ZNF609: variants seen among roughly 807,000 people sequenced by gnomAD.
ZNF609 encodes the protein zinc finger protein 609.
ZNF609 carries 11 observed loss-of-function variants against 109.5 expected under a neutral mutation model. That is an observed-to-expected ratio of 0.10 (90% CI 0.06 to 0.17). The LOEUF is 0.17. Among genes scored for constraint, ZNF609 ranks in the 10% least tolerant of loss-of-function variants. ZNF609 has a pLI of 1.00. For missense variants in ZNF609, 1,559 were observed against 1,772.4 expected, an observed-to-expected ratio of 0.88 and a Z score of 2.16; for synonymous variants, 646 against 662.0, an observed-to-expected ratio of 0.98 and a Z score of 0.37.
intron 2 of ZNF609, among the ~76,000 whole-genome samples, chr15:64,585,307 A>G (rs1247779984): frequency 1.3e-5 from 2 of 152,120 alleles, no homozygotes; most frequent in East Asian, 3.9e-4. Flanking sequence ...CCTGGGTGAC[A>G]GAGCGAGACT....
intron 2 of ZNF609, among the ~76,000 whole-genome samples, chr15:64,605,348 C>A (rs554934927): frequency 4.1e-4 from 62 of 152,134 alleles, no homozygotes; most frequent in African/African-American, 1.5e-3. Flanking sequence ...ATAGAGATTC[C>A]CCTGCTAGAA....
At chr15:64,534,013 C>CT (rs530096798) in intron 2 of ZNF609, among the ~76,000 whole-genome samples, 278 of 142,448 alleles carry the variant, frequency 2.0e-3, no homozygotes, top group South Asian at 5.8e-3. Context: ...TGTTATTAAC[C>CT]TTTTTTTTTT....
chr15:64,499,294 A>G lies in ZNF609; in HGVS notation c.-126A>G. 7.8e-7 allele frequency: 1 copy of G among 1,275,688 alleles called. No individual in the cohort carries two copies. Among genetic ancestry groups the G allele is most frequent in the Non-Finnish European group, 1.1e-6 (1 of 929,566 alleles). The allele number at this position is 1,275,688 out of a possible 1,614,324, so 79.0% of individuals were successfully genotyped here. Reference sequence around the variant, plus strand: ...GCTTTTTAAATTTTCTTTTTCCAGCAATGATGTTGTCCACTGGGCATGTAC... The same window carrying G: ...GCTTTTTAAATTTTCTTTTTCCAGCGATGATGTTGTCCACTGGGCATGTAC... On this transcript the variant is annotated splice_region_variant and 5_prime_UTR_variant, in exon 2 of 10. Coordinates refer to ENST00000326648, the MANE Select transcript of ZNF609 (RefSeq NM_015042.2).
Position 64,489,518 on chromosome 15 carries a change from CCATTA to C in ZNF609, c.-127-9774_-127-9770del, listed in dbSNP as rs1270475885. ...TTAGATGTTTTGAATGCTACCATCT[CCATTA>C]TTCACTTTTTTTTTTTTTTTTTTTT... On this transcript the variant is annotated intron_variant, in intron 1 of 9. Coordinates refer to ENST00000326648, the MANE Select transcript of ZNF609 (RefSeq NM_015042.2). Among the ~76,000 whole-genome samples, 10 of 139,300 alleles carry C rather than the reference CCATTA, an allele frequency of 7.2e-5. No individual in the cohort carries two copies. The East Asian group carries it at 2.2e-3, about 30-fold the overall frequency. The allele number at this position is 139,300 out of a possible 152,430, so 91.4% of individuals were successfully genotyped here.
intron 2 of ZNF609, among the ~76,000 whole-genome samples, chr15:64,506,508 G>GTC (rs1448692710): frequency 3.3e-5 from 5 of 151,096 alleles, no homozygotes; most frequent in Non-Finnish European, 7.4e-5. Context: ...ATCACCTGAG[G>GTC]TCGGGAGTTC....
chr15:64,679,001 A>G (rs1361844215), intron 6 of ZNF609, among the ~76,000 whole-genome samples: 5 of 152,238 alleles, frequency 3.3e-5, no homozygotes, highest in Non-Finnish European at 7.3e-5. Flanking sequence ...AGCCATCTGA[A>G]GTCAGACTGG....
intron 2 of ZNF609, among the ~76,000 whole-genome samples, chr15:64,604,695 A>T (rs969745417): frequency 6.6e-6 from 1 of 152,226 alleles, no homozygotes; most frequent in African/African-American, 2.4e-5. Flanking sequence ...GAATTTATAG[A>T]TTCCCAGGAA....
intron 2 of ZNF609, chr15:64,529,680 A>G (rs1595708808): frequency 1.4e-6 from 1 of 726,440 alleles, no homozygotes; most frequent in Admixed American, 1.7e-5. Flanking sequence ...ATGGTGTCTC[A>G]GGGATGCAGC....
At chr15:64,525,034 T>G (rs936732617) in intron 2 of ZNF609, among the ~76,000 whole-genome samples, 2 of 152,224 alleles carry the variant, frequency 1.3e-5, no homozygotes, top group African/African-American at 4.8e-5. Context: ...TAAAGTGGTA[T>G]CTTGTGGTTT....
At chr15:64,639,456 T>C (rs1175508748) in intron 3 of ZNF609, among the ~76,000 whole-genome samples, 4 of 152,056 alleles carry the variant, frequency 2.6e-5, no homozygotes, top group Admixed American at 2.0e-4. Flanking sequence ...GGAAGAATTC[T>C]TCTTTTCTTC....
intron 2 of ZNF609, among the ~76,000 whole-genome samples, chr15:64,515,773 CT>C (rs1214729806): frequency 6.6e-6 from 1 of 151,484 alleles, no homozygotes; most frequent in Non-Finnish European, 1.5e-5. Context: ...CCCATTTCTA[CT>C]AAAAATACAA....
intron 3 of ZNF609, among the ~76,000 whole-genome samples, chr15:64,667,190 G>A (rs921715094): frequency 1.2e-4 from 19 of 152,196 alleles, no homozygotes; most frequent in South Asian, 8.3e-4. Context: ...ACTTGTTCAA[G>A]GTTACACTAT....
rs1896791035 is a variant in ZNF609, at chr15:64,675,198, C to G, written c.2344C>G (p.Gln782Glu). ...CCTAAATGGCTCATCAGACCCCCAC[C>G]AAAGCCGACTGGCTAGCATCAAGGC... Reference protein sequence around the residue: ...GLLNGSSDPHQSRLASIKAEA... With the variant: ...GLLNGSSDPHESRLASIKAEA... Residue 782 changes from glutamine to glutamate, a missense_variant, in exon 5 of 10, where the codon CAA becomes GAA. Transcript: ENST00000326648. The G allele has an allele frequency of 1.2e-6, 2 of 1,614,062 alleles. No individual in the cohort carries two copies. The highest frequency in any genetic ancestry group is 2.2e-5 in the South Asian group (2 of 91,088).
rs982790178 is a variant in ZNF609 at position 64,487,938 on chromosome 15, C to A, written c.-127-11355C>A. 2.0e-5 allele frequency among the ~76,000 whole-genome samples: 3 copies of A among 152,252 alleles called. No individual in the cohort carries two copies. In the East Asian group the frequency reaches 5.8e-4, roughly 29 times the overall value. ...CGTGAACCACCGCACCCAGCCAATTCATAGGTGTTTTAAGTGTGACACTTG... is the reference window on the plus strand; with the variant it reads ...CGTGAACCACCGCACCCAGCCAATTAATAGGTGTTTTAAGTGTGACACTTG... On this transcript the variant is annotated intron_variant, in intron 1 of 9. Transcript: ENST00000326648.
At chr15:64,466,972 C>G (rs867958721) in intron 1 of ZNF609, among the ~76,000 whole-genome samples, 3 of 152,188 alleles carry the variant, frequency 2.0e-5, no homozygotes, top group Admixed American at 1.3e-4. Flanking sequence ...AGGAGTTGAA[C>G]TGCAGTCTCA....
intron 3 of ZNF609, among the ~76,000 whole-genome samples, chr15:64,638,303 C>T (rs1896207445): frequency 6.6e-6 from 1 of 151,506 alleles, no homozygotes; most frequent in African/African-American, 2.4e-5. Flanking sequence ...TTGATAACTA[C>T]AGCTTTGTAA....
chr15:64,570,374 G>A (rs879460195), intron 2 of ZNF609, among the ~76,000 whole-genome samples: 31 of 152,184 alleles, frequency 2.0e-4, no homozygotes, highest in Non-Finnish European at 4.4e-4. Flanking sequence ...ATTTGAGATG[G>A]TTAAGCATAA....
At position 64,499,647 on chromosome 15, in the gene ZNF609, C is replaced by T. The variant is rs749138985; in HGVS notation, c.228C>T (p.Thr76=). ...ATLPDNIKFV[T]PVPGPQGKEG... is the part of the protein sequence containing the mutation. ...TACCAGACAACATCAAGTTTGTGAC[C>T]CCAGTGCCAGGTCCTCAAGGGAAGG... is the stretch of plus-strand genomic sequence containing the variant. The change falls in exon 2 of 10, where the codon ACC becomes ACT. Residue 76 remains threonine, a synonymous_variant. Transcript: ENST00000326648. 4.3e-6 allele frequency: 7 copies of T among 1,614,088 alleles called. No homozygotes were observed. Among genetic ancestry groups the T allele is most frequent in the Non-Finnish European group, 5.9e-6 (7 of 1,180,034 alleles).
chr15:64,609,132 T>TTTCTTTCTTTCTTTC (rs1895672010), intron 2 of ZNF609, among the ~76,000 whole-genome samples: 1 of 43,960 alleles, frequency 2.3e-5, no homozygotes, highest in South Asian at 8.1e-4. Context: ...TTCTTTCTTT[T>TTTCTTTCTTTCTTTC]TTTCTTTCTT....
Sources: gnomAD v4.1 joint callset for allele counts (sites outside exome capture counted in the v4.1 genomes callset) on GRCh38, gnomAD v4.1.1 for gene constraint, MANE v1.5 for transcripts, NCBI Gene and HGNC (gene_info 2026-07-23, HGNC 2026-07-21) for gene names.